Variants in LRP1B observed in about 807,000 individuals in gnomAD.
LRP1B encodes the protein low-density lipoprotein receptor-related protein 1B.
Under a neutral mutation model 556.6 loss-of-function variants are expected in LRP1B, and 217 were observed. The observed-to-expected ratio is 0.39, with a 90% CI of 0.35 to 0.44. The LOEUF is 0.44. LRP1B is among the 20% of genes least tolerant of loss of function. The pLI, the probability that LRP1B is intolerant of heterozygous loss-of-function variation, is 1.00. For missense variants in LRP1B, 5,053 were observed against 5,620.8 expected (o/e 0.90, Z 3.23); for synonymous variants, 2,047 against 1,865.8 (o/e 1.10, Z -2.50).
chr2:141,754,131 A>G (rs1363174099), intron 2 of LRP1B, among the ~76,000 whole-genome samples: 1 of 152,164 alleles, frequency 6.6e-6, no homozygotes, highest in Non-Finnish European at 1.5e-5. Flanking sequence ...CATGCATGCA[A>G]AATAAGAAAC....
chr2:141,809,215 A>G (rs1486592479), intron 2 of LRP1B, among the ~76,000 whole-genome samples: 11 of 152,172 alleles, frequency 7.2e-5, no homozygotes. Flanking sequence ...ACCTTTTGAG[A>G]AACCTTAAAA....
At chr2:141,781,865 TGAA>T (rs1045948665) in intron 2 of LRP1B, among the ~76,000 whole-genome samples, 9 of 148,798 alleles carry the variant, frequency 6.0e-5, no homozygotes, top group African/African-American at 1.9e-4. Context: ...ATGATGATGA[TGAA>T]GAAGATGTTA....
chr2:141,349,878 G>A (rs1473706262), intron 3 of LRP1B, among the ~76,000 whole-genome samples: 1 of 152,040 alleles, frequency 6.6e-6, no homozygotes, highest in Non-Finnish European at 1.5e-5. Context: ...AATGGTTGTT[G>A]TATTAGTCTG....
intron 66 of LRP1B, among the ~76,000 whole-genome samples, chr2:140,433,538 C>T (rs1248855377): frequency 5.3e-5 from 8 of 152,172 alleles, no homozygotes; most frequent in African/African-American, 1.9e-4. Context: ...TAGCACACCA[C>T]TTCTAAAGAA....
Position 140,755,546 on chromosome 2 carries a change from G to T in LRP1B, c.5758+13667C>A, listed in dbSNP as rs75611663. The stretch of plus-strand genomic sequence containing the variant: ...TGGAAATATATTAATTTATTACACC[G>T]TATCAACAGAATAAGTGACAAAAGG... On this transcript the variant is annotated intron_variant, in intron 35 of 90. Coordinates refer to ENST00000389484, the MANE Select transcript of LRP1B (RefSeq NM_018557.3). 2.0e-5 allele frequency among the ~76,000 whole-genome samples: 3 copies of T among 151,644 alleles called. No individual in the cohort carries two copies. The South Asian group carries it at 6.2e-4, about 32-fold the overall frequency.
chr2:140,270,124 G>A (rs537702006), intron 86 of LRP1B, 118 bp downstream of exon 86: 4 of 691,634 alleles, frequency 5.8e-6, no homozygotes, highest in Non-Finnish European at 1.0e-5. Flanking sequence ...TACTTGATCA[G>A]AGATGTCCAT....
intron 2 of LRP1B, among the ~76,000 whole-genome samples, chr2:141,557,249 C>T (rs561238495): frequency 6.6e-6 from 1 of 151,548 alleles, no homozygotes; most frequent in Non-Finnish European, 1.5e-5. Flanking sequence ...AACAAACAAA[C>T]AACAACGAAA....
At chr2:141,410,590 CT>C (rs1451257525) in intron 3 of LRP1B, among the ~76,000 whole-genome samples, 1 of 151,984 alleles carries the variant, frequency 6.6e-6, no homozygotes, top group Non-Finnish European at 1.5e-5. Flanking sequence ...GGCTATATAT[CT>C]ATTTCTACAA....
At chr2:141,384,457 T>A (rs145542218) in intron 3 of LRP1B, among the ~76,000 whole-genome samples, 1 of 152,050 alleles carries the variant, frequency 6.6e-6, no homozygotes, top group African/African-American at 2.4e-5. Flanking sequence ...AGGTGTGAAA[T>A]GTATTGAGAT....
intron 41 of LRP1B, among the ~76,000 whole-genome samples, chr2:140,607,853 A>T (rs492119): frequency 0.63 from 95,473 of 151,724 alleles, 30,411 homozygotes; most frequent in Non-Finnish European, 0.67. Context: ...TAACATGGAT[A>T]ATTTTCCTTT....
intron 6 of LRP1B, among the ~76,000 whole-genome samples, chr2:141,221,893 C>G (rs1683057681): frequency 6.6e-6 from 1 of 152,132 alleles, no homozygotes; most frequent in Non-Finnish European, 1.5e-5. Context: ...AACAAAGAGA[C>G]AACATACCAG....
At position 141,973,434 on chromosome 2, in the gene LRP1B, T is replaced by C. The variant is rs118185052; in HGVS notation, c.82+157214A>G. Among the ~76,000 whole-genome samples the C allele has an allele frequency of 1.8e-4, 28 of 151,942 alleles. No homozygotes were observed. The East Asian group carries it at 2.5e-3, about 14-fold the overall frequency. On this transcript the variant is annotated intron_variant, in intron 1 of 90. Coordinates refer to ENST00000389484, the MANE Select transcript of LRP1B (RefSeq NM_018557.3). ...TGTATATATATCATATGTATATGTA[T>C]GTGTAAAACAAAAGTAAAATTTCCT...
chr2:140,780,740 C>T (rs1033402524), intron 32 of LRP1B, among the ~76,000 whole-genome samples: 1 of 152,086 alleles, frequency 6.6e-6, no homozygotes, highest in East Asian at 1.9e-4. Flanking sequence ...TAAAACTGAA[C>T]ATTTGAACAC....
chr2:142,027,184 T>C (rs757641042), intron 1 of LRP1B, among the ~76,000 whole-genome samples: 4 of 151,956 alleles, frequency 2.6e-5, no homozygotes, highest in Admixed American at 6.6e-5. Context: ...CAGACTGCTG[T>C]ATTCATCCAT....
chr2:141,520,937 T>C (rs1333210523), intron 2 of LRP1B, among the ~76,000 whole-genome samples: 1 of 151,964 alleles, frequency 6.6e-6, no homozygotes, highest in African/African-American at 2.4e-5. Context: ...TGGTGACTTT[T>C]CTCCTTACTT....
Position 141,062,051 on chromosome 2 carries a change from T to C in LRP1B, c.1236A>G (p.Gln412=). The part of the protein sequence containing the change: ...KNRHTVIQGR[Q]VRHLYGITVF... ...CGTTGTCTAACAAAATTGTACTTACTTGTCTGCCTTGAATGACAGTGTGTC... is the reference window on the plus strand; with the variant it reads ...CGTTGTCTAACAAAATTGTACTTACCTGTCTGCCTTGAATGACAGTGTGTC... Residue 412 remains glutamine (Q), a splice_region_variant and synonymous_variant, in exon 8 of 91, where the codon CAA becomes CAG. Transcript: ENST00000389484. The C allele has an allele frequency of 1.2e-6, 2 of 1,610,132 alleles. No homozygotes were observed. The highest frequency in any genetic ancestry group is 2.2e-5 in the East Asian group (1 of 44,794).
At chr2:140,778,898 T>C (rs1345914945) in intron 32 of LRP1B, among the ~76,000 whole-genome samples, 1 of 151,998 alleles carries the variant, frequency 6.6e-6, no homozygotes, top group Non-Finnish European at 1.5e-5. Context: ...GCCACTGTCC[T>C]AATTGTTTTA....
At chr2:141,074,535 G>A (rs1019478700) in intron 7 of LRP1B, among the ~76,000 whole-genome samples, 1 of 149,056 alleles carries the variant, frequency 6.7e-6, no homozygotes, top group South Asian at 2.1e-4. Flanking sequence ...CCATATGTCT[G>A]CACATACTAA....
intron 57 of LRP1B, among the ~76,000 whole-genome samples, chr2:140,491,560 C>T (rs968994742): frequency 4.0e-5 from 6 of 151,674 alleles, no homozygotes; most frequent in African/African-American, 1.5e-4. Flanking sequence ...AGTTTAAAAG[C>T]ATAGGAAAAA....
Sources: allele counts gnomAD v4.1 joint callset (sites outside exome capture counted in the v4.1 genomes callset), GRCh38; gene constraint gnomAD v4.1.1; transcripts MANE v1.5; gene names NCBI Gene and HGNC (gene_info 2026-07-23, HGNC 2026-07-21).